Variants in CYRIB observed in about 807,000 individuals in gnomAD.
CYRIB encodes CYFIP-related Rac1 interactor B.
In CYRIB, 8 loss-of-function variants were observed where a neutral mutation model predicts 44.2. The observed-to-expected ratio is 0.18, with a 90% CI of 0.11 to 0.33. The LOEUF (loss-of-function observed/expected upper bound fraction) is 0.33, where lower values mean the gene tolerates loss of function less well. Ranked by LOEUF, CYRIB falls within the 10% of genes least tolerant of loss-of-function variation. The pLI, the probability that CYRIB is intolerant of heterozygous loss-of-function variation, is 1.00. For missense variants in CYRIB, 185 were observed against 382.8 expected (o/e 0.48, Z 4.31); for synonymous variants, 131 against 127.2 (o/e 1.03, Z -0.20).
exon 6 of CYRIB, chr8:129,855,620 A>T: frequency 6.2e-7 from 1 of 1,614,118 alleles, no homozygotes; most frequent in Non-Finnish European, 8.5e-7. Context: ...CCTTGAGTTC[A>T]TCAAACCGGA....
chr8:129,878,809 T>G (rs2059974234), intron 3 of CYRIB, among the ~76,000 whole-genome samples: 3 of 152,324 alleles, frequency 2.0e-5, no homozygotes, highest in Middle Eastern at 3.4e-3. Context: ...TATTTTTCCT[T>G]TCATTTAGAG....
At chr8:129,855,837 C>A in intron 5 of CYRIB, 90 bp from the exon 8 acceptor site, 3 of 1,228,466 alleles carry the variant, frequency 2.4e-6, no homozygotes, top group South Asian at 1.6e-5. Context: ...AATGTTAATT[C>A]CCAGAAAAGT....
At chr8:129,940,338 G>A (rs544549739), upstream of CYRIB, among the ~76,000 whole-genome samples, 2 of 152,340 alleles carry the variant, frequency 1.3e-5, no homozygotes, top group South Asian at 4.1e-4. Context: ...GGCGCGGCAC[G>A]TGTTCCTGGC....
chr8:129,861,954 T>C (rs1336282972), intron 5 of CYRIB, among the ~76,000 whole-genome samples: 2 of 152,192 alleles, frequency 1.3e-5, no homozygotes, highest in Admixed American at 6.5e-5. Context: ...AACTTTTGTG[T>C]TCTTAAAATC....
At chr8:129,938,311 T>C (rs765999585) in intron 1 of CYRIB, among the ~76,000 whole-genome samples, 2 of 152,206 alleles carry the variant, frequency 1.3e-5, no homozygotes, top group Non-Finnish European at 2.9e-5. Flanking sequence ...TGAGGTATAT[T>C]AGTCTAAAAT....
At chr8:129,893,702 A>T (rs905172977) in intron 2 of CYRIB, among the ~76,000 whole-genome samples, 8 of 152,026 alleles carry the variant, frequency 5.3e-5, no homozygotes, top group South Asian at 2.1e-4. Flanking sequence ...GTATCTTTTT[A>T]AAAAAATTAT....
intron 1 of CYRIB, among the ~76,000 whole-genome samples, chr8:129,983,238 G>A (rs1042543710): frequency 2.0e-5 from 3 of 152,140 alleles, no homozygotes; most frequent in Non-Finnish European, 4.4e-5. Flanking sequence ...GAGGTCAGGA[G>A]ATCGAGACCA....
intron 11 of CYRIB, among the ~76,000 whole-genome samples, chr8:129,846,530 A>G (rs2040132305): frequency 6.6e-6 from 1 of 152,190 alleles, no homozygotes; most frequent in African/African-American, 2.4e-5. Context: ...AAAACAAGCA[A>G]TCTCTGTTTG....
chr8:129,868,664 A>G (rs375506430), intron 4 of CYRIB: 3 of 152,110 alleles, frequency 2.0e-5, no homozygotes, highest in Non-Finnish European at 2.9e-5. Flanking sequence ...CTTTGGTCAT[A>G]GCATTACGAG....
chr8:129,980,648 A>G (rs1201931423), intron 1 of CYRIB, among the ~76,000 whole-genome samples: 3 of 151,742 alleles, frequency 2.0e-5, no homozygotes, highest in Non-Finnish European at 4.4e-5. Context: ...TGGGCCACGG[A>G]GTGAGACTCT....
intron 1 of CYRIB, among the ~76,000 whole-genome samples, chr8:130,007,219 A>C (rs1180318792): frequency 6.6e-6 from 1 of 152,102 alleles, no homozygotes; most frequent in Non-Finnish European, 1.5e-5. Context: ...GCCCACTGAG[A>C]AAACCACCGC....
At chr8:129,969,145 C>T (rs1235961610) in intron 2 of CYRIB, among the ~76,000 whole-genome samples, 1 of 151,174 alleles carries the variant, frequency 6.6e-6, no homozygotes, top group East Asian at 1.9e-4. Context: ...TCCTGAGTAG[C>T]TGGAATTACA....
At chr8:129,965,248 C>CTG (rs3077879) in intron 2 of CYRIB, among the ~76,000 whole-genome samples, 46,866 of 148,576 alleles carry the variant, frequency 0.32, 7,373 homozygotes, top group East Asian at 0.5. Context: ...CCCCCAGACA[C>CTG]TGTGTGTGTG....
chr8:129,976,954 G>A (rs2095956010), intron 1 of CYRIB, among the ~76,000 whole-genome samples: 1 of 152,040 alleles, frequency 6.6e-6, no homozygotes, highest in Admixed American at 6.6e-5. Flanking sequence ...TGATCCTCCT[G>A]CCTCAGCCTC....
rs187013880 is a variant in CYRIB, at chr8:129,883,730, G to A, written c.-10-4259C>T. ...CTGCCTGGGTCTGAAACCCAGCTGT[G>A]CCACTTCCAAACTTTGTGACTTCAG... is the stretch of plus-strand genomic sequence containing the variant. On this transcript the variant is annotated intron_variant, in intron 2 of 11. Coordinates refer to ENST00000519824, the Ensembl canonical transcript of CYRIB. Among the ~76,000 whole-genome samples, 17 of 152,274 alleles carry A rather than the reference G, an allele frequency of 1.1e-4. No homozygotes were observed. In the East Asian group the frequency reaches 3.1e-3, roughly 28 times the overall value.
upstream of CYRIB, among the ~76,000 whole-genome samples, chr8:129,943,678 A>G (rs2093915143): frequency 7.1e-6 from 1 of 140,438 alleles, no homozygotes; most frequent in African/African-American, 2.7e-5. Flanking sequence ...GGCTCACTGC[A>G]AGCTCCGCCT....
At chr8:129,901,623 T>A (rs1487108986) in intron 2 of CYRIB, 1 of 152,066 alleles carries the variant, frequency 6.6e-6, no homozygotes, top group Non-Finnish European at 1.5e-5. Context: ...ATATGGGGAG[T>A]CCATAGAGAA....
chr8:129,891,427 G>C (rs1564714197), intron 2 of CYRIB, among the ~76,000 whole-genome samples: 1 of 152,124 alleles, frequency 6.6e-6, no homozygotes, highest in African/African-American at 2.4e-5. Context: ...TCAAGTACTA[G>C]TTTAGCTATT....
Position 129,946,946 on chromosome 8 carries a change from T to A in CYRIB, c.-243+23997A>T, listed in dbSNP as rs569048801. 1.1e-4 allele frequency among the ~76,000 whole-genome samples: 16 copies of A among 152,086 alleles called. No individual in the cohort carries two copies. In the South Asian group the frequency reaches 3.1e-3, roughly 30 times the overall value. On this transcript the variant is annotated intron_variant, in intron 2 of 14. Transcript: ENST00000401979. ...AGTTCCCCCATCACCCTTCCAAAGG[T>A]GAACCCCCCATCACCCTTCCAAAGG... is the stretch of plus-strand genomic sequence containing the variant.
Sources: gnomAD v4.1 joint callset for allele counts (sites outside exome capture counted in the v4.1 genomes callset) on GRCh38, gnomAD v4.1.1 for gene constraint, MANE v1.5 for transcripts, NCBI Gene and HGNC (gene_info 2026-07-23, HGNC 2026-07-21) for gene names.